Variants in SLC24A2 observed in about 807,000 individuals in gnomAD.
The protein encoded by SLC24A2 is sodium/potassium/calcium exchanger 2.
A neutral mutation model predicts 62.0 loss-of-function variants in SLC24A2; 36 were observed. The observed-to-expected ratio is 0.58, with a 90% CI of 0.44 to 0.77. The LOEUF is 0.77. SLC24A2 is among the 30% of genes least tolerant of loss of function. SLC24A2 has a pLI of 0.00. For synonymous variants in SLC24A2, 358 were observed against 294.0 expected (o/e 1.22, Z -2.23); for missense variants, 846 against 817.9 (o/e 1.03, Z -0.42).
Position 19,746,691 on chromosome 9 carries a change from A to G in SLC24A2, c.930+39246T>C, listed in dbSNP as rs191111694. Among the ~76,000 whole-genome samples, 134 of 152,252 alleles carry G rather than the reference A, an allele frequency of 8.8e-4. 1 individual carries two copies. Among genetic ancestry groups the G allele is most frequent in the African/African-American group, 3.1e-3 (129 of 41,550 alleles). On this transcript the variant is annotated intron_variant, in intron 2 of 10. Coordinates refer to ENST00000341998, the MANE Select transcript of SLC24A2 (RefSeq NM_020344.4). ...GTCCTCACTTGTTTATCTCCCTTTA[A>G]AAAGCTAAGGTCAAAAAGTCTAAAG... is the stretch of plus-strand genomic sequence containing the variant.
chr9:20,078,268 G>C, the SLC24A2 span, among the ~76,000 whole-genome samples: 1 of 152,054 alleles, frequency 6.6e-6, no homozygotes, highest in East Asian at 1.9e-4. Context: ...TGTTTCTGTT[G>C]CTATTAAAGG....
At chr9:19,636,829 A>G (rs1337171619) in intron 2 of SLC24A2, among the ~76,000 whole-genome samples, 2 of 152,130 alleles carry the variant, frequency 1.3e-5, no homozygotes, top group African/African-American at 2.4e-5. Context: ...TGTGTATACA[A>G]ACTTTTAGGA....
At chr9:20,113,170 T>C in the SLC24A2 span, among the ~76,000 whole-genome samples, 1 of 152,130 alleles carries the variant, frequency 6.6e-6, no homozygotes, top group African/African-American at 2.4e-5. Context: ...CCCCCAGGAC[T>C]GGTCAAGAAA....
chr9:19,546,744 AAAC>A (rs1182640670), intron 8 of SLC24A2, among the ~76,000 whole-genome samples: 9 of 149,810 alleles, frequency 6.0e-5, no homozygotes, highest in African/African-American at 2.3e-4. Flanking sequence ...GGAAAAAAAA[AAAC>A]AACACAAAAC....
chr9:20,105,402 T>C, the SLC24A2 span, among the ~76,000 whole-genome samples: 1 of 151,960 alleles, frequency 6.6e-6, no homozygotes, highest in East Asian at 1.9e-4. Flanking sequence ...TACATTTTTT[T>C]CAGCACCACA....
the SLC24A2 span, among the ~76,000 whole-genome samples, chr9:19,973,782 T>C: frequency 1.3e-5 from 2 of 152,234 alleles, no homozygotes; most frequent in Non-Finnish European, 2.9e-5. Flanking sequence ...GCTATACAAT[T>C]TCAAAATAAT....
the SLC24A2 span, among the ~76,000 whole-genome samples, chr9:20,194,117 C>T: frequency 9.2e-5 from 14 of 152,084 alleles, no homozygotes; most frequent in African/African-American, 3.4e-4. Flanking sequence ...GCACTCCTTC[C>T]ATCTTTCCAC....
chr9:19,536,029 T>C (rs2132689261), intron 8 of SLC24A2, among the ~76,000 whole-genome samples: 1 of 152,226 alleles, frequency 6.6e-6, no homozygotes, highest in South Asian at 2.1e-4. Flanking sequence ...AGCAGTGGTT[T>C]GCAGTTCTCC....
the SLC24A2 span, among the ~76,000 whole-genome samples, chr9:20,011,415 G>C: frequency 6.6e-6 from 1 of 152,120 alleles, no homozygotes; most frequent in African/African-American, 2.4e-5. Context: ...CTTCTTTTGA[G>C]AAGTGTCTCA....
intron 2 of SLC24A2, among the ~76,000 whole-genome samples, chr9:19,784,612 C>T (rs191664429): frequency 2.2e-4 from 34 of 152,302 alleles, no homozygotes; most frequent in African/African-American, 7.5e-4. Flanking sequence ...TGAGGGATCA[C>T]CTTTTTGGCT....
chr9:19,725,526 CATA>C (rs770788348), intron 2 of SLC24A2, among the ~76,000 whole-genome samples: 5 of 152,080 alleles, frequency 3.3e-5, no homozygotes, highest in Non-Finnish European at 5.9e-5. Flanking sequence ...AAACTGTCTT[CATA>C]ATAAGCTATT....
upstream of SLC24A2, among the ~76,000 whole-genome samples, chr9:19,792,226 C>A (rs372180201): frequency 6.6e-6 from 1 of 152,130 alleles, no homozygotes; most frequent in Non-Finnish European, 1.5e-5. Context: ...ACAATTCCAC[C>A]ATTAGAAATT....
chr9:19,607,048 A>ATCCCC (rs3086302), intron 4 of SLC24A2, among the ~76,000 whole-genome samples: 1 of 151,496 alleles, frequency 6.6e-6, no homozygotes, highest in Admixed American at 6.6e-5. Context: ...ATTCAACCTC[A>ATCCCC]TGAAGTGAGG....
chr9:19,943,134 T>C, the SLC24A2 span, among the ~76,000 whole-genome samples: 1 of 152,224 alleles, frequency 6.6e-6, no homozygotes, highest in Non-Finnish European at 1.5e-5. Context: ...ATGCTTTTAA[T>C]GCATACCTCT....
the SLC24A2 span, among the ~76,000 whole-genome samples, chr9:20,087,770 C>T: frequency 6.6e-6 from 1 of 152,172 alleles, no homozygotes; most frequent in Non-Finnish European, 1.5e-5. Flanking sequence ...AAGTACAACA[C>T]CTTCAGCTGA....
intron 2 of SLC24A2, among the ~76,000 whole-genome samples, chr9:19,770,538 G>C (rs1822653982): frequency 6.6e-6 from 1 of 152,134 alleles, no homozygotes; most frequent in Non-Finnish European, 1.5e-5. Context: ...CATGGGCTCA[G>C]ATAGTGATCC....
At position 19,745,032 on chromosome 9, in the gene SLC24A2, T is replaced by C. The variant is rs577459476; in HGVS notation, c.930+40905A>G. On this transcript the variant is annotated intron_variant, in intron 2 of 10. Coordinates refer to ENST00000341998, the MANE Select transcript of SLC24A2 (RefSeq NM_020344.4). ...CCTAGCATGTTGGAGGGGATCCTAG[T>C]GGGAGGTGCTGGATCACAGGGACAG... is the stretch of plus-strand genomic sequence containing the variant. 1.2e-3 allele frequency among the ~76,000 whole-genome samples: 189 copies of C among 152,290 alleles called. 1 individual carries two copies. Among genetic ancestry groups the C allele is most frequent in the African/African-American group, 4.4e-3 (182 of 41,584 alleles).
chr9:19,618,742 G>T (rs1199937700), intron 4 of SLC24A2, among the ~76,000 whole-genome samples: 1 of 152,108 alleles, frequency 6.6e-6, no homozygotes, highest in Non-Finnish European at 1.5e-5. Context: ...TATTTCCTAG[G>T]CTGTATTAGC....
At chr9:19,564,663 G>C (rs890151244) in intron 7 of SLC24A2, among the ~76,000 whole-genome samples, 4 of 152,006 alleles carry the variant, frequency 2.6e-5, no homozygotes, top group African/African-American at 9.7e-5. Context: ...ATTTCCCTAA[G>C]GACAGAAGGA....
Sources: gnomAD v4.1 joint callset for allele counts (sites outside exome capture counted in the v4.1 genomes callset) on GRCh38, gnomAD v4.1.1 for gene constraint, MANE v1.5 for transcripts, NCBI Gene and HGNC (gene_info 2026-07-23, HGNC 2026-07-21) for gene names.